The following IL16 variants were observed in gnomAD, a reference collection of about 807,000 sequenced individuals.
IL16 encodes the protein interleukin 16.
Under a neutral mutation model 110.1 loss-of-function variants are expected in IL16, and 67 were observed. The ratio of observed to expected loss-of-function variants is 0.61; its 90% confidence interval spans 0.50 to 0.75. The LOEUF is 0.75. IL16 is among the 30% of genes least tolerant of loss of function. IL16 has a pLI of 0.00. For synonymous variants in IL16, 689 were observed against 662.9 expected (o/e 1.04, Z -0.61); for missense variants, 1,545 against 1,655.0 (o/e 0.93, Z 1.15).
rs908973925 is a variant in IL16 at position 81,303,126 on chromosome 15, G to A, written c.3319-423G>A. 9.6e-5 allele frequency: 16 copies of A among 166,316 alleles called. No individual in the cohort carries two copies. Among genetic ancestry groups the A allele is most frequent in the Non-Finnish European group, 2.0e-4 (15 of 76,022 alleles). 10.3% of individuals were successfully genotyped at this position (166,316 alleles called of 1,614,324 possible). ...TGCTGTGACCCATGGAGAAGTAGAA[G>A]GGAAGAAGGAGCAACCAATTCCTGC... On this transcript the variant is annotated intron_variant, in intron 15 of 18. Transcript: ENST00000683961. The surrounding 1 kb of genome is among the most constrained non-coding windows in gnomAD (Gnocchi z 4.1).
intron 2 of IL16, among the ~76,000 whole-genome samples, chr15:81,249,744 A>G (rs993997802): frequency 6.6e-6 from 1 of 152,158 alleles, no homozygotes; most frequent in African/African-American, 2.4e-5. Flanking sequence ...AAGATTTTTA[A>G]TAATTACGTG....
Position 81,258,771 on chromosome 15 carries a change from C to CTATA in IL16, c.313-1000_313-999insATAT, listed in dbSNP as rs112357896. On this transcript the variant is annotated intron_variant, in intron 2 of 18. Transcript: ENST00000683961. ...TCTGTCACTCGCTCTCTCTCTCTCT[C>CTATA]TCTATATATATATATTTGTGCATAT... 5.0e-4 allele frequency among the ~76,000 whole-genome samples: 75 copies of CTATA among 150,310 alleles called. No individual in the cohort carries two copies. In the East Asian group the frequency reaches 5.8e-3, roughly 12 times the overall value.
chr15:81,272,906 T>TTTG (rs1262010927), intron 5 of IL16, among the ~76,000 whole-genome samples, 184 bp from the exon 6 acceptor site: 1 of 145,800 alleles, frequency 6.9e-6, no homozygotes, highest in South Asian at 2.1e-4. Context: ...TCTTCCTATT[T>TTTG]TTGTTGTTGT....
At chr15:81,286,115 A>C (rs1241673624) in intron 10 of IL16, among the ~76,000 whole-genome samples, 1 of 152,158 alleles carries the variant, frequency 6.6e-6, no homozygotes, top group Non-Finnish European at 1.5e-5. Flanking sequence ...TAGACCAAGA[A>C]ATTTATTCAT....
chr15:81,244,680 T>C (rs1365606544), intron 2 of IL16, among the ~76,000 whole-genome samples: 2 of 152,136 alleles, frequency 1.3e-5, no homozygotes, highest in Admixed American at 6.5e-5. Context: ...TTGGATTTAT[T>C]GTTTGGAATT....
At chr15:81,296,688 T>C (rs1900000762) in intron 12 of IL16, among the ~76,000 whole-genome samples, 1 of 152,204 alleles carries the variant, frequency 6.6e-6, no homozygotes, top group Non-Finnish European at 1.5e-5. Flanking sequence ...GTCAACAGTA[T>C]GAGCCCATGA....
At chr15:81,226,266 A>G (rs1445422882) in intron 2 of IL16, among the ~76,000 whole-genome samples, 1 of 152,222 alleles carries the variant, frequency 6.6e-6, no homozygotes, top group African/African-American at 2.4e-5. Context: ...GGAGGGGGAA[A>G]TAAGCAGTGT....
Position 81,308,999 on chromosome 15 carries a change from G to T in IL16, c.*201G>T, listed in dbSNP as rs11325. 0.18 allele frequency: 87,376 copies of T among 488,574 alleles called. 9,820 individuals carry two copies. Among genetic ancestry groups the T allele is most frequent in the African/African-American group, 0.43 (21,454 of 50,242 alleles). 30.3% of individuals were successfully genotyped at this position (488,574 alleles called of 1,614,324 possible). ...TCCTAAAATAAGGGCAGAGTCACAC[G>T]GGGGCAGCTGATACAAATTGCAGAC... On this transcript the variant is annotated 3_prime_UTR_variant, in exon 19 of 19. Transcript: ENST00000683961.
At chr15:81,256,279 T>C (rs978092445) in intron 2 of IL16, among the ~76,000 whole-genome samples, 1 of 152,218 alleles carries the variant, frequency 6.6e-6, no homozygotes, top group African/African-American at 2.4e-5. Context: ...ATAATATCTT[T>C]TTTTAACTTA....
At chr15:81,275,259 C>T (rs1471969640) in intron 6 of IL16, among the ~76,000 whole-genome samples, 1 of 150,102 alleles carries the variant, frequency 6.7e-6, no homozygotes, top group African/African-American at 2.5e-5. Context: ...AAATGACATC[C>T]GTTCTCTCTC....
At chr15:81,287,199 C>T (rs7168537) in intron 10 of IL16, among the ~76,000 whole-genome samples, 2,847 of 152,192 alleles carry the variant, frequency 0.019, 73 homozygotes, top group African/African-American at 0.062. Context: ...AGGGAGGAAC[C>T]GAAGATATCT....
intron 6 of IL16, among the ~76,000 whole-genome samples, chr15:81,274,305 GT>G (rs1428140408): frequency 6.6e-6 from 1 of 152,162 alleles, no homozygotes; most frequent in African/African-American, 2.4e-5. Context: ...ATTTAAAAGT[GT>G]TTTTGATTAT....
Position 81,312,044 on chromosome 15 carries a change from C to T in IL16, c.*3246C>T, listed in dbSNP as rs1900884266. On this transcript the variant is annotated 3_prime_UTR_variant, in exon 19 of 19. Coordinates refer to ENST00000683961, the MANE Select transcript of IL16 (RefSeq NM_172217.5). ...GCAAAGGCTGAGAACACTGTGAAAA[C>T]ATTTTGCGCGCACAATAGTAACCTG... is the stretch of plus-strand genomic sequence containing the variant. 1 of 152,196 alleles carries T rather than the reference C, an allele frequency of 6.6e-6. No homozygotes were observed. The highest frequency in any genetic ancestry group is 2.1e-4 in the South Asian group (1 of 4,822). 9.4% of individuals were successfully genotyped at this position (152,196 alleles called of 1,614,324 possible). A position where few individuals can be genotyped will look rare whatever the true frequency, so the allele number is the denominator to read the frequency against.
chr15:81,206,737 A>T (rs891662186), intron 1 of IL16, among the ~76,000 whole-genome samples: 2 of 152,234 alleles, frequency 1.3e-5, no homozygotes, highest in African/African-American at 4.8e-5. Flanking sequence ...CTCCTGAAGA[A>T]CTGAGTTTAA....
intron 9 of IL16, among the ~76,000 whole-genome samples, chr15:81,284,916 A>G (rs925175209): frequency 2.0e-5 from 3 of 152,180 alleles, no homozygotes; most frequent in African/African-American, 7.2e-5. Flanking sequence ...AACACCAAAA[A>G]TATTTACTCT....
intron 2 of IL16, among the ~76,000 whole-genome samples, chr15:81,246,838 G>C (rs989936569): frequency 3.9e-5 from 6 of 152,182 alleles, no homozygotes; most frequent in Middle Eastern, 3.4e-3. Context: ...TTTGTGGAAA[G>C]AGTTAAAACC....
At position 81,282,885 on chromosome 15, in the gene IL16, C is replaced by T. The variant is rs1048701633; in HGVS notation, c.1199+129C>T. The T allele has an allele frequency of 9.8e-5, 78 of 796,256 alleles. No homozygotes were observed. The Admixed American group carries it at 1.0e-3, about 10-fold the overall frequency. 49.3% of individuals were successfully genotyped at this position (796,256 alleles called of 1,614,324 possible). ...ATCTTGTGGTGGAGATCAGCCGCTC[C>T]GCCCGCCAGGACACCCCCTGTTGTG... On this transcript the variant is annotated intron_variant, in intron 9 of 18. Transcript: ENST00000683961.
chr15:81,221,884 C>T (rs1896628633), intron 1 of IL16, among the ~76,000 whole-genome samples: 1 of 152,180 alleles, frequency 6.6e-6, no homozygotes, highest in Admixed American at 6.5e-5. Context: ...TCATCAGACA[C>T]TCCTGCAAAT....
Position 81,220,818 on chromosome 15 carries a change from G to T in IL16, c.-101-4481G>T, listed in dbSNP as rs867444842. ...AATGAAAAAAAAAAAAAAATGAAAA[G>T]GAAGGAAGGAAGGAGGAGGAAGGGA... On this transcript the variant is annotated intron_variant, in intron 1 of 18. Coordinates refer to ENST00000683961, the MANE Select transcript of IL16 (RefSeq NM_172217.5). Among the ~76,000 whole-genome samples, 862 of 145,018 alleles carry T rather than the reference G, an allele frequency of 5.9e-3. 3 individuals carry two copies. The highest frequency in any genetic ancestry group is 0.018 in the Middle Eastern group (5 of 282).
Sources: allele counts gnomAD v4.1 joint callset (sites outside exome capture counted in the v4.1 genomes callset), GRCh38; gene constraint gnomAD v4.1.1; non-coding constraint Gnocchi (gnomAD v3.1); transcripts MANE v1.5; gene names NCBI Gene and HGNC (gene_info 2026-07-23, HGNC 2026-07-21).